DAB1: variants seen among roughly 807,000 people sequenced by gnomAD.
DAB1 encodes disabled homolog 1.
In DAB1, 15 loss-of-function variants were observed where a neutral mutation model predicts 64.6. The ratio of observed to expected loss-of-function variants is 0.23; its 90% CI spans 0.16 to 0.36. DAB1 has a LOEUF of 0.36. DAB1 is among the 10% of genes least tolerant of loss of function. DAB1 has a pLI of 1.00. For missense variants in DAB1, 596 were observed against 706.7 expected, an observed-to-expected ratio of 0.84 and a Z score of 1.78; for synonymous variants, 235 against 251.9, an observed-to-expected ratio of 0.93 and a Z score of 0.64.
chr1:57,205,810 C>A (rs1489412708), intron 2 of DAB1, among the ~76,000 whole-genome samples: 1 of 152,124 alleles, frequency 6.6e-6, no homozygotes, highest in Non-Finnish European at 1.5e-5. Context: ...GCTTAACAAA[C>A]CTAATTTCAT....
chr1:57,348,248 T>A (rs1443266436), intron 1 of DAB1, among the ~76,000 whole-genome samples: 1 of 152,170 alleles, frequency 6.6e-6, no homozygotes, highest in Admixed American at 6.5e-5. Flanking sequence ...AGGCTCACTA[T>A]CTGCTGTAGG....
intron 4 of DAB1, among the ~76,000 whole-genome samples, chr1:57,134,311 G>A (rs951868841): frequency 6.6e-5 from 10 of 152,086 alleles, no homozygotes; most frequent in East Asian, 3.9e-4. Flanking sequence ...AAGGCTGGGC[G>A]CGGTGGCTCA....
intron 14 of DAB1, among the ~76,000 whole-genome samples, chr1:57,006,079 T>C (rs78378993): frequency 0.034 from 5,199 of 152,256 alleles, 84 homozygotes; most frequent in South Asian, 0.038. Flanking sequence ...TGCTTTCCTG[T>C]GACAATGGTA....
intron 7 of DAB1, among the ~76,000 whole-genome samples, chr1:57,582,745 T>C (rs1296724305): frequency 3.3e-5 from 5 of 152,252 alleles, no homozygotes; most frequent in African/African-American, 1.2e-4. Context: ...TCACAGTCCC[T>C]GTCTCATGAC....
chr1:57,348,432 T>G (rs559710812), intron 1 of DAB1, among the ~76,000 whole-genome samples: 3 of 152,260 alleles, frequency 2.0e-5, no homozygotes, highest in Admixed American at 2.0e-4. Flanking sequence ...TTGCCAAATA[T>G]TCATAAGGTA....
intron 4 of DAB1, among the ~76,000 whole-genome samples, chr1:58,180,350 T>A (rs531553657): frequency 1.4e-5 from 2 of 138,278 alleles, no homozygotes; most frequent in South Asian, 4.7e-4. Flanking sequence ...TGGAGTGCAG[T>A]GGTGTAATAA....
At chr1:57,983,980 A>T (rs1646130350) in intron 5 of DAB1, among the ~76,000 whole-genome samples, 1 of 152,132 alleles carries the variant, frequency 6.6e-6, no homozygotes, top group Admixed American at 6.6e-5. Context: ...ACACGCGCAC[A>T]TGCACATGTG....
intron 3 of DAB1, among the ~76,000 whole-genome samples, chr1:58,409,493 T>G (rs849485): frequency 0.14 from 21,824 of 152,258 alleles, 2,551 homozygotes; most frequent in African/African-American, 0.31. Flanking sequence ...CACAGTGGGC[T>G]GTCCCAGGAA....
chr1:57,680,664 G>A (rs1008457364), intron 6 of DAB1, among the ~76,000 whole-genome samples: 2 of 152,050 alleles, frequency 1.3e-5, no homozygotes, highest in African/African-American at 4.8e-5. Flanking sequence ...TGACTACATC[G>A]AGCTGAAGTT....
intron 5 of DAB1, among the ~76,000 whole-genome samples, chr1:58,065,485 G>C (rs1013249623): frequency 3.3e-5 from 5 of 152,088 alleles, no homozygotes; most frequent in Non-Finnish European, 7.4e-5. Flanking sequence ...TTTTAGTAAA[G>C]GGAACTGGGT....
chr1:57,078,349 C>T (rs537453881), intron 4 of DAB1, among the ~76,000 whole-genome samples: 8 of 152,316 alleles, frequency 5.3e-5, no homozygotes, highest in Admixed American at 2.6e-4. Context: ...CTACCATTTA[C>T]TAGATGTGTA....
intron 6 of DAB1, among the ~76,000 whole-genome samples, chr1:57,804,555 C>T (rs1408180543): frequency 5.9e-5 from 9 of 152,196 alleles, no homozygotes; most frequent in Non-Finnish European, 5.9e-5. Context: ...TGTAAGAGTT[C>T]ACAGAACTGC....
At chr1:57,383,206 C>T (rs1469800805) in intron 1 of DAB1, among the ~76,000 whole-genome samples, 1 of 152,022 alleles carries the variant, frequency 6.6e-6, no homozygotes, top group African/African-American at 2.4e-5. Flanking sequence ...TCGGAAATGA[C>T]AAGTTCATTA....
chr1:57,315,116 G>T (rs1166765947), intron 1 of DAB1, among the ~76,000 whole-genome samples: 1 of 152,126 alleles, frequency 6.6e-6, no homozygotes, highest in Non-Finnish European at 1.5e-5. Context: ...CAGGGTCTTT[G>T]CAGTTGTGTT....
intron 1 of DAB1, among the ~76,000 whole-genome samples, chr1:58,528,397 G>A (rs1375950410): frequency 6.6e-6 from 1 of 152,110 alleles, no homozygotes; most frequent in Admixed American, 6.5e-5. Context: ...GCTGCAGAGG[G>A]GATTAAATGA....
chr1:58,033,377 G>T (rs1009321578), intron 5 of DAB1, among the ~76,000 whole-genome samples: 1 of 152,132 alleles, frequency 6.6e-6, no homozygotes, highest in South Asian at 2.1e-4. Context: ...GCTGCTATCA[G>T]ATAAGCACCA....
chr1:57,573,199 C>T (rs1294642183), intron 7 of DAB1, among the ~76,000 whole-genome samples: 10 of 152,158 alleles, frequency 6.6e-5, no homozygotes, highest in Middle Eastern at 3.4e-3. Flanking sequence ...GGGATCCTCC[C>T]GCCTCAGCCT....
intron 3 of DAB1, among the ~76,000 whole-genome samples, chr1:58,435,371 G>C (rs1407659737): frequency 6.6e-6 from 1 of 151,938 alleles, no homozygotes; most frequent in Non-Finnish European, 1.5e-5. Flanking sequence ...TACTCTATAT[G>C]CTTTCCATGA....
intron 4 of DAB1, among the ~76,000 whole-genome samples, chr1:58,211,206 TGAAAAA>T (rs1658533650): frequency 6.6e-6 from 1 of 152,152 alleles, no homozygotes; most frequent in Admixed American, 6.6e-5. Context: ...AGATTTATCT[TGAAAAA>T]GAAATATCTC....
Sources: allele counts gnomAD v4.1 joint callset (sites outside exome capture counted in the v4.1 genomes callset), GRCh38; gene constraint gnomAD v4.1.1; transcripts MANE v1.5; gene names NCBI Gene and HGNC (gene_info 2026-07-23, HGNC 2026-07-21).